PRDX4: variants seen among roughly 807,000 people sequenced by gnomAD.
PRDX4 encodes the protein peroxiredoxin-4.
PRDX4 carries 12 observed loss-of-function variants against 20.5 expected under a neutral mutation model. The ratio of observed to expected loss-of-function variants is 0.58; its 90% confidence interval spans 0.37 to 0.95. The LOEUF (loss-of-function observed/expected upper bound fraction) is 0.95, where lower values mean the gene tolerates loss of function less well. PRDX4 is among the 40% of genes least tolerant of loss of function. PRDX4 has a pLI of 0.01. For synonymous variants in PRDX4, 99 were observed against 87.5 expected, an observed-to-expected ratio of 1.13 and a Z score of -0.73; for missense variants, 180 against 207.3, an observed-to-expected ratio of 0.87 and a Z score of 0.81.
intron 4 of PRDX4, 135 bp from the exon 5 acceptor site, chrX:23,682,260 TG>T (rs1432891291): frequency 4.3e-4 from 108 of 252,591 alleles, no homozygotes; most frequent in Admixed American, 1.9e-3. Context: ...TGTGTGTGTG[TG>T]TGTGTATACC....
At chrX:23,677,628 A>C (rs1417852379) in intron 3 of PRDX4, among the ~76,000 whole-genome samples, 1 of 111,955 alleles carries the variant, frequency 8.9e-6, no homozygotes, top group African/African-American at 3.2e-5. Flanking sequence ...TCAGAATATT[A>C]AAATGTCATC....
At chrX:23,680,257 C>G (rs1170541414) in intron 4 of PRDX4, among the ~76,000 whole-genome samples, 2 of 111,827 alleles carry the variant, frequency 1.8e-5, no homozygotes, top group African/African-American at 3.2e-5. Flanking sequence ...TTGTCCATTT[C>G]TTTTTCCTTT....
At chrX:23,683,762 TG>T in intron 6 of PRDX4, 57 bp downstream of exon 6, 1 of 1,083,336 alleles carries the variant, frequency 9.2e-7, no homozygotes, top group Non-Finnish European at 1.3e-6. Context: ...AAAAAAATGC[TG>T]GCCGGGCGCA....
At chrX:23,675,307 T>A in intron 3 of PRDX4, 1 of 791,212 alleles carries the variant, frequency 1.3e-6, no homozygotes, top group Non-Finnish European at 1.7e-6. Flanking sequence ...GCTGCTATAA[T>A]AAAAATGCTT....
intron 1 of PRDX4, among the ~76,000 whole-genome samples, chrX:23,669,067 A>C (rs1216790805): frequency 9.0e-6 from 1 of 110,608 alleles, no homozygotes; most frequent in Non-Finnish European, 1.9e-5. Context: ...CTGGGACTAC[A>C]GGCGCGCACC....
At chrX:23,670,519 G>GTA (rs1927823471) in intron 1 of PRDX4, among the ~76,000 whole-genome samples, 1 of 111,887 alleles carries the variant, frequency 8.9e-6, no homozygotes, top group African/African-American at 3.3e-5. Flanking sequence ...TTACAGAGAA[G>GTA]TATAAGCCTT....
At chrX:23,671,370 T>G (rs1012740150) in intron 1 of PRDX4, 159 bp from the exon 2 acceptor site, 7 of 375,612 alleles carry the variant, frequency 1.9e-5, no homozygotes, top group Non-Finnish European at 3.2e-5. Context: ...TTTTCCTTTT[T>G]GCATTCAATA....
Position 23,667,827 on chromosome X carries a change from C to G in PRDX4, c.241+16C>G. ...AAAGCGAAGAGTAGGTGGTGTCCCGCCAAAGGGTGGGAGGGGAGATTCCGG... is the reference window on the plus strand; with the variant it reads ...AAAGCGAAGAGTAGGTGGTGTCCCGGCAAAGGGTGGGAGGGGAGATTCCGG... On this transcript the variant is annotated intron_variant, in intron 1 of 6. Coordinates refer to ENST00000379341, the MANE Select transcript of PRDX4 (RefSeq NM_006406.2). 8.3e-7 allele frequency: 1 copy of G among 1,208,308 alleles called. No individual in the cohort carries two copies. Among genetic ancestry groups the G allele is most frequent in the South Asian group, 1.8e-5 (1 of 56,631 alleles).
In PRDX4 at chrX:23,678,068, A is replaced by T. The variant is rs1042233877; in HGVS notation, c.477-1097A>T. Among the ~76,000 whole-genome samples, 4 of 110,924 alleles carry T rather than the reference A, an allele frequency of 3.6e-5. No homozygotes were observed. In the East Asian group the frequency reaches 1.1e-3, roughly 32 times the overall value. ...GATCACCTGAGGTCAAGTGTTTGAG[A>T]CCAGCCTGGCCAACGTGGCGAAACC... On this transcript the variant is annotated intron_variant, in intron 3 of 6. Coordinates refer to ENST00000379341, the MANE Select transcript of PRDX4 (RefSeq NM_006406.2).
At chrX:23,685,238 G>T (rs1472932721) in intron 6 of PRDX4, among the ~76,000 whole-genome samples, 1 of 112,036 alleles carries the variant, frequency 8.9e-6, no homozygotes, top group East Asian at 2.8e-4. Context: ...CCTAGCACAT[G>T]CCTGTGATTG....
chrX:23,685,961 C>T, intron 6 of PRDX4: 1 of 316,943 alleles, frequency 3.2e-6, no homozygotes, highest in Non-Finnish European at 6.0e-6. Context: ...AGTACATTAA[C>T]ATCTGTAGCC....
In PRDX4 at chrX:23,667,766, C is replaced by T; in HGVS notation, c.196C>T (p.Arg66Trp). 1 of 1,211,436 alleles carries T rather than the reference C, an allele frequency of 8.3e-7. No homozygotes were observed. The highest frequency in any genetic ancestry group is 1.1e-6 in the Non-Finnish European group (1 of 895,364). The change falls in exon 1 of 7, where the codon CGG (arginine) becomes TGG (tryptophan). Residue 66 changes from arginine to tryptophan, a missense_variant. Around this residue, in one of 3 missense-constraint regions of PRDX4, gnomAD observed 105 missense variants for 114.2 expected, o/e 0.92. Coordinates refer to ENST00000379341, the MANE Select transcript of PRDX4 (RefSeq NM_006406.2). ...ACAAGTGTACCCGGGAGAGGCATCC[C>T]GGGTATCGGTCGCCGACCACTCCCT... ...GGQVYPGEASRVSVADHSLHL... is the reference protein window; with the variant it reads ...GGQVYPGEASWVSVADHSLHL...
rs1381890531 is a variant in PRDX4, at chrX:23,676,633, A to G, written c.476+1527A>G. 7.3e-5 allele frequency among the ~76,000 whole-genome samples: 8 copies of G among 108,922 alleles called. No individual in the cohort carries two copies. In the Admixed American group the frequency reaches 8.0e-4, roughly 11 times the overall value. 94.6% of individuals were successfully genotyped at this position (108,922 alleles called of 115,157 possible). A position where few individuals can be genotyped will look rare whatever the true frequency, so the allele number is the denominator to read the frequency against. ...TAGTGAGACCCCATCTATACAAAAAATAAAAAAAATTAGCCAGGTCTGGTG... is the reference window on the plus strand; with the variant it reads ...TAGTGAGACCCCATCTATACAAAAAGTAAAAAAAATTAGCCAGGTCTGGTG... On this transcript the variant is annotated intron_variant, in intron 3 of 6. Coordinates refer to ENST00000379341, the MANE Select transcript of PRDX4 (RefSeq NM_006406.2).
intron 3 of PRDX4, among the ~76,000 whole-genome samples, chrX:23,675,821 T>G (rs1224019929): frequency 8.9e-6 from 1 of 111,923 alleles, no homozygotes; most frequent in Admixed American, 9.5e-5. Context: ...GAAAACTTTG[T>G]GCACAATAAA....
At position 23,667,786 on chromosome X, in the gene PRDX4, C is replaced by T. The variant is rs367813473; in HGVS notation, c.216C>T (p.His72=). ...GEASRVSVAD[H]SLHLSKAKIS... Reference sequence around the variant, plus strand: ...CATCCCGGGTATCGGTCGCCGACCACTCCCTGCACCTAAGCAAAGCGAAGA... The same window carrying T: ...CATCCCGGGTATCGGTCGCCGACCATTCCCTGCACCTAAGCAAAGCGAAGA... Residue 72 remains histidine, a synonymous_variant, in exon 1 of 7, where the codon CAC becomes CAT. Coordinates refer to ENST00000379341, the MANE Select transcript of PRDX4 (RefSeq NM_006406.2). 8 of 1,211,451 alleles carry T rather than the reference C, an allele frequency of 6.6e-6. No individual in the cohort carries two copies. Among genetic ancestry groups the T allele is most frequent in the Non-Finnish European group, 8.9e-6 (8 of 895,394 alleles).
At chrX:23,684,774 TTA>T (rs1195576997) in intron 6 of PRDX4, among the ~76,000 whole-genome samples, 3 of 111,188 alleles carry the variant, frequency 2.7e-5, no homozygotes, top group African/African-American at 9.8e-5. Flanking sequence ...AGTGCTGGGA[TTA>T]CAGGCATGAG....
intron 6 of PRDX4, among the ~76,000 whole-genome samples, chrX:23,684,560 G>A (rs1225447024): frequency 1.8e-5 from 2 of 110,436 alleles, no homozygotes; most frequent in African/African-American, 3.3e-5. Context: ...GAGTGCAGTG[G>A]CATGATCTGG....
intron 2 of PRDX4, 33 bp downstream of exon 2, chrX:23,671,679 T>C: frequency 2.0e-6 from 2 of 997,135 alleles, no homozygotes; most frequent in Non-Finnish European, 1.4e-6. Context: ...TAGTAAAATC[T>C]CAGTCTTTAT....
In PRDX4 at chrX:23,674,930, A is replaced by G. The variant is rs1927914477; in HGVS notation, c.360-60A>G. On this transcript the variant is annotated intron_variant, in intron 2 of 6. Coordinates refer to ENST00000379341, the MANE Select transcript of PRDX4 (RefSeq NM_006406.2). ...AGGTATTTGTAAAAATTGTCATTTGAAAGTTTAGGTATATGCTTATTTGGA... is the reference window on the plus strand; with the variant it reads ...AGGTATTTGTAAAAATTGTCATTTGGAAGTTTAGGTATATGCTTATTTGGA... 5 of 1,145,667 alleles carry G rather than the reference A, an allele frequency of 4.4e-6. No homozygotes were observed. The South Asian group carries it at 1.1e-4, about 24-fold the overall frequency. The allele number at this position is 1,145,667 out of a possible 1,213,427, so 94.4% of individuals were successfully genotyped here.
Sources: gnomAD v4.1 joint callset for allele counts (sites outside exome capture counted in the v4.1 genomes callset) on GRCh38, gnomAD v4.1.1 for gene constraint, gnomAD v4.1.1 regional missense constraint, MANE v1.5 for transcripts, NCBI Gene and HGNC (gene_info 2026-07-23, HGNC 2026-07-21) for gene names.